Variants in MRPS28 observed in about 807,000 individuals in gnomAD.
MRPS28 encodes the protein mitochondrial ribosomal protein S28, also known as small ribosomal subunit protein bS1m.
A neutral mutation model predicts 10.8 loss-of-function variants in MRPS28; 7 were observed. That is an observed-to-expected ratio of 0.65 (90% CI 0.37 to 1.22). The LOEUF is 1.22. Among genes scored for constraint, MRPS28 ranks in the 50% most tolerant of loss-of-function variants. The pLI is 0.02. For missense variants in MRPS28, 265 were observed against 232.9 expected (o/e 1.14, Z -0.90); for synonymous variants, 121 against 93.3 (o/e 1.30, Z -1.71).
rs191681783 is a variant in MRPS28, at chr8:79,923,399, C to T, written c.396-4251G>A. ...ATCACTCCATAGAGTCTTATAATGT[C>T]TTTCCTATGAAGTAAAATATAAGCC... On this transcript the variant is annotated intron_variant, in intron 2 of 2. Coordinates refer to ENST00000276585, the MANE Select transcript of MRPS28 (RefSeq NM_014018.3). Among the ~76,000 whole-genome samples the T allele has an allele frequency of 1.4e-3, 217 of 152,180 alleles. 7 individuals carry two copies. The highest frequency in any genetic ancestry group is 0.013 in the Admixed American group (195 of 15,278).
At chr8:79,937,367 C>T (rs567646736) in intron 2 of MRPS28, among the ~76,000 whole-genome samples, 5 of 152,166 alleles carry the variant, frequency 3.3e-5, no homozygotes, top group South Asian at 2.1e-4. Context: ...AATACGAAGA[C>T]GTGGTCAGTA....
At chr8:80,020,350 G>A (rs774509076) in intron 1 of MRPS28, among the ~76,000 whole-genome samples, 18 of 152,226 alleles carry the variant, frequency 1.2e-4, no homozygotes, top group Admixed American at 3.3e-4. Flanking sequence ...TTCCCATCAC[G>A]GCCTGCACTA....
intron 2 of MRPS28, among the ~76,000 whole-genome samples, chr8:79,938,652 T>G (rs1195308036): frequency 6.6e-6 from 1 of 152,166 alleles, no homozygotes; most frequent in Non-Finnish European, 1.5e-5. Context: ...ACTGGCAAAG[T>G]GCATCTGTTT....
chr8:79,954,914 T>A (rs1807165309), intron 2 of MRPS28, among the ~76,000 whole-genome samples: 1 of 152,020 alleles, frequency 6.6e-6, no homozygotes, highest in Non-Finnish European at 1.5e-5. Flanking sequence ...GCAGGAGAAT[T>A]GCTTGAACCC....
Position 79,928,449 on chromosome 8 carries a change from A to G in MRPS28, c.396-9301T>C, listed in dbSNP as rs141370930. 1.9e-3 allele frequency among the ~76,000 whole-genome samples: 291 copies of G among 151,638 alleles called. 2 individuals carry two copies. The highest frequency in any genetic ancestry group is 6.7e-3 in the African/African-American group (275 of 41,176). ...CACCCCCAATTTGGAGTATATATAT[A>G]TATATATTTTTTGAGACACAGTCTC... On this transcript the variant is annotated intron_variant, in intron 2 of 2. Transcript: ENST00000276585.
chr8:79,967,263 A>G (rs1807526442), intron 2 of MRPS28, among the ~76,000 whole-genome samples: 1 of 152,154 alleles, frequency 6.6e-6, no homozygotes, highest in South Asian at 2.1e-4. Context: ...TTCTCTCCAC[A>G]TGTCTGCATG....
rs1212117556 is a variant in MRPS28, at chr8:79,919,021, T to C, written c.523A>G (p.Ser175Gly). 2 of 1,584,728 alleles carry C rather than the reference T, an allele frequency of 1.3e-6. No homozygotes were observed. The highest frequency in any genetic ancestry group is 2.7e-5 in the African/African-American group (2 of 73,682). Reference protein sequence around the residue: ...ANAVLLGIQESKDSRSKEEHH... With the variant: ...ANAVLLGIQEGKDSRSKEEHH... The stretch of plus-strand genomic sequence containing the variant: ...TCTTCTTTCGATCTTGAGTCTTTAC[T>C]CTCCTGGATTCCCAAGAGAACTGCA... Residue 175 changes from serine (S) to glycine (G), a missense_variant, in exon 3 of 3, where the codon AGT (serine) becomes GGT (glycine). Coordinates refer to ENST00000276585, the MANE Select transcript of MRPS28 (RefSeq NM_014018.3).
At chr8:80,016,768 TA>T (rs1237834465) in intron 1 of MRPS28, among the ~76,000 whole-genome samples, 1 of 152,168 alleles carries the variant, frequency 6.6e-6, no homozygotes, top group East Asian at 1.9e-4. Context: ...GAATAATCCT[TA>T]ATGTGTACAT....
chr8:80,025,281 T>G (rs758652449), intron 1 of MRPS28, among the ~76,000 whole-genome samples: 1 of 152,200 alleles, frequency 6.6e-6, no homozygotes, highest in Non-Finnish European at 1.5e-5. Context: ...ATTTCTATAT[T>G]TTGCTTTAAT....
intron 2 of MRPS28, among the ~76,000 whole-genome samples, chr8:79,946,531 A>G (rs1028308373): frequency 6.6e-6 from 1 of 152,128 alleles, no homozygotes; most frequent in Non-Finnish European, 1.5e-5. Context: ...AACATCACCC[A>G]CTACATGTTA....
chr8:80,029,667 A>T (rs1809594968), intron 1 of MRPS28: 2 of 1,236,350 alleles, frequency 1.6e-6, no homozygotes, highest in African/African-American at 1.5e-5. Context: ...AACAAGACCC[A>T]GCAGAGCCCT....
intron 2 of MRPS28, among the ~76,000 whole-genome samples, chr8:79,996,952 AT>A (rs1261139053): frequency 6.6e-6 from 1 of 152,218 alleles, no homozygotes; most frequent in African/African-American, 2.4e-5. Flanking sequence ...ACTGCAGCAC[AT>A]TATTTATGCT....
At chr8:79,956,708 TC>T (rs1221214582) in intron 2 of MRPS28, 1 of 152,184 alleles carries the variant, frequency 6.6e-6, no homozygotes, top group African/African-American at 2.4e-5. Flanking sequence ...ATTTATAGCT[TC>T]CACTTATAGG....
At chr8:80,003,820 C>T (rs1023218207) in intron 1 of MRPS28, among the ~76,000 whole-genome samples, 4 of 152,208 alleles carry the variant, frequency 2.6e-5, no homozygotes, top group Admixed American at 6.5e-5. Flanking sequence ...TCTTAGCCAA[C>T]GGCACACCAG....
intron 1 of MRPS28, 165 bp downstream of exon 1, chr8:80,029,871 G>A: frequency 2.6e-6 from 4 of 1,535,978 alleles, no homozygotes; most frequent in Non-Finnish European, 3.5e-6. Flanking sequence ...ACCAAGCACA[G>A]ATTCTAGGGG....
chr8:79,966,961 AC>A (rs1472384644), intron 2 of MRPS28, among the ~76,000 whole-genome samples: 1 of 152,136 alleles, frequency 6.6e-6, no homozygotes, highest in East Asian at 1.9e-4. Context: ...TGATTCTTTG[AC>A]CCCAATTCAC....
chr8:79,989,445 A>G (rs1184152149), intron 2 of MRPS28, among the ~76,000 whole-genome samples: 1 of 152,218 alleles, frequency 6.6e-6, no homozygotes, highest in African/African-American at 2.4e-5. Context: ...TGAAGTAGGT[A>G]AAGTAATAAG....
chr8:79,995,301 T>C (rs2130134245), intron 2 of MRPS28, among the ~76,000 whole-genome samples: 1 of 152,342 alleles, frequency 6.6e-6, no homozygotes, highest in Middle Eastern at 3.4e-3. Flanking sequence ...TTCTTGAGAT[T>C]GATAAAATGT....
rs377318764 is a variant in MRPS28, at chr8:79,994,668, T to C, written c.395+8331A>G. On this transcript the variant is annotated intron_variant, in intron 2 of 2. Coordinates refer to ENST00000276585, the MANE Select transcript of MRPS28 (RefSeq NM_014018.3). ...CCTCTCACATCCTTCTTCCGAAATA[T>C]GCTCCACACCTCTGCCAGAATGATC... Among the ~76,000 whole-genome samples, 6 of 152,324 alleles carry C rather than the reference T, an allele frequency of 3.9e-5. No homozygotes were observed. In the East Asian group the frequency reaches 7.7e-4, roughly 20 times the overall value.
Sources: gnomAD v4.1 joint callset for allele counts (sites outside exome capture counted in the v4.1 genomes callset) on GRCh38, gnomAD v4.1.1 for gene constraint, MANE v1.5 for transcripts, NCBI Gene and HGNC (gene_info 2026-07-23, HGNC 2026-07-21) for gene names.